Variants in PITRM1 observed in about 807,000 individuals in gnomAD.
The protein encoded by PITRM1 is presequence protease, mitochondrial.
Under a neutral mutation model 129.9 loss-of-function variants are expected in PITRM1, and 100 were observed. That is an observed-to-expected ratio of 0.77 (90% confidence interval 0.65 to 0.91). The LOEUF is 0.91. Among genes scored for constraint, PITRM1 ranks in the 40% least tolerant of loss-of-function variants. The pLI is 0.00. For missense variants in PITRM1, 1,471 were observed against 1,318.3 expected (o/e 1.12, Z -1.79); for synonymous variants, 591 against 508.8 (o/e 1.16, Z -2.17).
intron 11 of PITRM1, 123 bp from the exon 12 acceptor site, chr10:3,157,654 C>T: frequency 1.6e-6 from 1 of 628,478 alleles, no homozygotes; most frequent in Non-Finnish European, 2.8e-6. Flanking sequence ...CCAGCTTGGG[C>T]AACACAGAGA....
rs1222482638 is a variant in PITRM1, at chr10:3,139,035, A to G, written c.2786T>C (p.Ile929Thr). Reference protein sequence around the residue: ...TLYSYRDPNTIETLQSFGKAV... With the variant: ...TLYSYRDPNTTETLQSFGKAV... The stretch of plus-strand genomic sequence containing the variant: ...CTTCCCAAAAGACTGGAGCGTCTCT[A>G]TTGTATTTGGGTCCCTAGGAAACCC... The change falls in exon 25 of 27, where the codon ATA becomes ACA. Residue 929 changes from isoleucine (I) to threonine (T), a missense_variant. Physicochemically the swap from Ile to Thr is moderately conservative, Grantham distance 89. Transcript: ENST00000224949. The G allele has an allele frequency of 6.2e-7, 1 of 1,613,852 alleles. No individual in the cohort carries two copies. The highest frequency in any genetic ancestry group is 8.5e-7 in the Non-Finnish European group (1 of 1,179,804).
At chr10:3,152,142 C>G (rs748156415) in intron 14 of PITRM1, among the ~76,000 whole-genome samples, 8 of 152,204 alleles carry the variant, frequency 5.3e-5, no homozygotes, top group Non-Finnish European at 7.3e-5. Context: ...CTTAGAAAGA[C>G]ACTTCCTGGG....
Position 3,165,301 on chromosome 10 carries a change from C to G in PITRM1, c.567G>C (p.Pro189=). ...QEGWRLEHEN[P]SDPQTPLVFK... The stretch of plus-strand genomic sequence containing the variant: ...AGACCAAGGGCGTCTGGGGGTCGCT[C>G]GGATTCTCATGTTCCAGCCGCCATC... Residue 189 remains proline, a synonymous_variant, in exon 6 of 27, where the codon CCG becomes CCC. Transcript: ENST00000224949. 1.3e-6 allele frequency: 2 copies of G among 1,589,666 alleles called. No individual in the cohort carries two copies. Among genetic ancestry groups the G allele is most frequent in the South Asian group, 2.3e-5 (2 of 86,862 alleles).
intron 15 of PITRM1, 100 bp downstream of exon 15, chr10:3,151,147 G>A (rs998473941): frequency 4.2e-5 from 31 of 734,740 alleles, no homozygotes; most frequent in Non-Finnish European, 5.7e-5. Flanking sequence ...AGTGTTTCAG[G>A]GAAAACCTCC....
In PITRM1 at chr10:3,151,259, C is replaced by T. The variant is rs192889695; in HGVS notation, c.1726G>A (p.Val576Met). 218 of 1,592,368 alleles carry T rather than the reference C, an allele frequency of 1.4e-4. No homozygotes were observed. In the African/African-American group the frequency reaches 2.7e-3, roughly 19 times the overall value. Residue 576 changes from valine to methionine, a missense_variant, in exon 15 of 27, where the codon GTG becomes ATG. Val to Met is a conservative substitution (Grantham distance 21, BLOSUM62 1). Transcript: ENST00000224949. ...CGTTCACAGTGACCTGTCAGGACCA[C>T]GTCCAACTCTGTGACAGGTATGGTG... is the stretch of plus-strand genomic sequence containing the variant. ...EPTIPVTELDVVLTAGDIPVQ... is the reference protein window; with the variant it reads ...EPTIPVTELDMVLTAGDIPVQ...
In PITRM1 at chr10:3,165,449, G is replaced by A; in HGVS notation, c.497C>T (p.Ala166Val). The change falls in exon 5 of 27, where the codon GCC (alanine) becomes GTC (valine). Residue 166 changes from alanine (A) to valine (V), a missense_variant. By Grantham distance (64) the Ala-to-Val change is moderately conservative (BLOSUM62 0). Transcript: ENST00000224949. Reference sequence around the variant, plus strand: ...CTCGCGTAAACATGGGAAAAAGGTGGCATCCAAATACACCGAGAGGAGATT... The same window carrying A: ...CTCGCGTAAACATGGGAAAAAGGTGACATCCAAATACACCGAGAGGAGATT... Reference protein sequence around the residue: ...FQNLLSVYLDATFFPCLRELD... With the variant: ...FQNLLSVYLDVTFFPCLRELD... The A allele has an allele frequency of 6.2e-7, 1 of 1,613,404 alleles. No individual in the cohort carries two copies. The highest frequency in any genetic ancestry group is 8.5e-7 in the Non-Finnish European group (1 of 1,179,594).
intron 13 of PITRM1, among the ~76,000 whole-genome samples, chr10:3,156,692 CACAA>C (rs34766859): frequency 0.15 from 22,725 of 151,474 alleles, 1,734 homozygotes; most frequent in Non-Finnish European, 0.17. Context: ...TGTTCATACA[CACAA>C]ACATACATAT....
intron 23 of PITRM1, among the ~76,000 whole-genome samples, chr10:3,142,348 G>T (rs78801351): frequency 2.6e-4 from 39 of 152,190 alleles, no homozygotes; most frequent in African/African-American, 9.2e-4. Context: ...TCGGAGGCCC[G>T]GCTCCTTCTC....
intron 24 of PITRM1, among the ~76,000 whole-genome samples, 153 bp from the exon 25 acceptor site, chr10:3,139,202 A>C (rs1839933919): frequency 6.6e-6 from 1 of 152,198 alleles, no homozygotes; most frequent in South Asian, 2.1e-4. Context: ...CAAATCGCTC[A>C]ATTACTCTCA....
At position 3,172,753 on chromosome 10, in the gene PITRM1, C is replaced by A. The variant is rs759173740; in HGVS notation, c.20G>T (p.Arg7Leu). MWRCGG[R>L]QGLCVLRRLS... is the part of the protein sequence containing the mutation. Reference sequence around the variant, plus strand: ...CCGCCTCAGCACACACAGGCCCTGCCGCCCGCCGCAGCGCCACATTGCGCA... The same window carrying A: ...CCGCCTCAGCACACACAGGCCCTGCAGCCCGCCGCAGCGCCACATTGCGCA... The change falls in exon 1 of 27, where the codon CGG (arginine) becomes CTG (leucine). Residue 7 changes from arginine (R) to leucine (L), a missense_variant. Arg to Leu is a moderately radical substitution (Grantham distance 102, BLOSUM62 -2). Coordinates refer to ENST00000224949, the MANE Select transcript of PITRM1 (RefSeq NM_014889.4). 45 of 1,545,736 alleles carry A rather than the reference C, an allele frequency of 2.9e-5. No homozygotes were observed. The highest frequency in any genetic ancestry group is 3.8e-5 in the Non-Finnish European group (43 of 1,145,216).
At chr10:3,162,540 GC>G (rs1372546186) in intron 7 of PITRM1, among the ~76,000 whole-genome samples, 2 of 152,222 alleles carry the variant, frequency 1.3e-5, no homozygotes, top group African/African-American at 4.8e-5. Flanking sequence ...CAAGGCAGTG[GC>G]TGACTCTCAG....
At chr10:3,145,866 G>A (rs45534440) in intron 20 of PITRM1, 150 bp from the exon 21 acceptor site, 62,487 of 648,952 alleles carry the variant, frequency 0.096, 3,425 homozygotes, top group Middle Eastern at 0.14. Context: ...TGCCACGGCC[G>A]CCTCCCTGCT....
chr10:3,142,597 C>T (rs1005845297), intron 23 of PITRM1, among the ~76,000 whole-genome samples: 10 of 152,234 alleles, frequency 6.6e-5, no homozygotes, highest in Non-Finnish European at 5.9e-5. Flanking sequence ...TGAACACAGC[C>T]AAGGGGCAGC....
chr10:3,140,779 T>G lies in PITRM1; in HGVS notation c.2679A>C (p.Lys893Asn). The G allele has an allele frequency of 6.3e-7, 1 of 1,591,088 alleles. No individual in the cohort carries two copies. The highest frequency in any genetic ancestry group is 8.6e-7 in the Non-Finnish European group (1 of 1,167,440). ...TTTCTCGAATTTCTGTATGCAAGAA[T>G]TTGGCAGTCATCAAACGTGCAAGGA... is the stretch of plus-strand genomic sequence containing the variant. ...LKILARLMTA[K>N]FLHTEIREKG... The change falls in exon 24 of 27, where the codon AAA becomes AAC. Residue 893 changes from lysine (K) to asparagine (N), a missense_variant. Coordinates refer to ENST00000224949, the MANE Select transcript of PITRM1 (RefSeq NM_014889.4).
rs1421391904 is a variant in PITRM1 at position 3,143,577 on chromosome 10, G to T, written c.2533-76C>A. 7 of 1,006,098 alleles carry T rather than the reference G, an allele frequency of 7.0e-6. No homozygotes were observed. In the Admixed American group the frequency reaches 8.9e-5, roughly 13 times the overall value. The allele number at this position is 1,006,098 out of a possible 1,614,324, so 62.3% of individuals were successfully genotyped here. A position where few individuals can be genotyped will look rare whatever the true frequency, so the allele number is the denominator to read the frequency against. ...CGGCACTGGGACTGGACCCACTCAG[G>T]GGTCAGAGGCGGCTGTGCTCCCACG... On this transcript the variant is annotated intron_variant, in intron 22 of 26. Coordinates refer to ENST00000224949, the MANE Select transcript of PITRM1 (RefSeq NM_014889.4).
intron 22 of PITRM1, 52 bp from the exon 23 acceptor site, chr10:3,143,553 G>T (rs1038462616): frequency 2.3e-6 from 3 of 1,277,242 alleles, no homozygotes; most frequent in African/African-American, 1.5e-5. Flanking sequence ...CACCGCCCAC[G>T]GCACTGGGAC....
rs775286183 is a variant in PITRM1, at chr10:3,138,940, A to C, written c.2881T>G (p.Ser961Ala). ...DIDEAKLSVF[S>A]TVDAPVAPSD... ...GGAGCGACAGGAGCATCTACGGTTG[A>C]GAAGACAGAAAGTTTGGCTTCGTCG... is the stretch of plus-strand genomic sequence containing the variant. The change falls in exon 25 of 27, where the codon TCA becomes GCA. Residue 961 changes from serine (S) to alanine (A), a missense_variant. Coordinates refer to ENST00000224949, the MANE Select transcript of PITRM1 (RefSeq NM_014889.4). The C allele has an allele frequency of 6.2e-7, 1 of 1,613,980 alleles. No individual in the cohort carries two copies. The highest frequency in any genetic ancestry group is 8.5e-7 in the Non-Finnish European group (1 of 1,179,842).
In PITRM1 at chr10:3,148,060, C is replaced by T; in HGVS notation, c.1996G>A (p.Val666Met). The T allele has an allele frequency of 5.6e-6, 9 of 1,613,806 alleles. No homozygotes were observed. Among genetic ancestry groups the T allele is most frequent in the Non-Finnish European group, 7.6e-6 (9 of 1,179,700 alleles). ...DSHMDTYEQG[V>M]LFSSLCLDRN... ...TCCAGGCAGAGAGAGGAGAAAAGCA[C>T]ACCCTGAACCAAAGAAAACACAGAA... is the stretch of plus-strand genomic sequence containing the variant. Residue 666 changes from valine (V) to methionine (M), a missense_variant, in exon 18 of 27, where the codon GTG becomes ATG. Coordinates refer to ENST00000224949, the MANE Select transcript of PITRM1 (RefSeq NM_014889.4).
rs969933379 is a variant in PITRM1 at position 3,172,176 on chromosome 10, T to G, written c.56+541A>C. On this transcript the variant is annotated intron_variant, in intron 1 of 26. Coordinates refer to ENST00000224949, the MANE Select transcript of PITRM1 (RefSeq NM_014889.4). ...CCGGCCTGGGCCGGCAGCGCTGAAC[T>G]ATTACCTTATATTAAACACGGGCTC... 6.6e-6 allele frequency: 3 copies of G among 456,272 alleles called. No individual in the cohort carries two copies. The Admixed American group carries it at 7.0e-5, about 11-fold the overall frequency. The allele number at this position is 456,272 out of a possible 1,614,324, so 28.3% of individuals were successfully genotyped here.
Sources: gnomAD v4.1 joint callset for allele counts (sites outside exome capture counted in the v4.1 genomes callset) on GRCh38, gnomAD v4.1.1 for gene constraint, MANE v1.5 for transcripts, NCBI Gene and HGNC (gene_info 2026-07-23, HGNC 2026-07-21) for gene names.